Variants in GNA15 observed in about 807,000 individuals in gnomAD.
GNA15 encodes G protein subunit alpha 15.
GNA15 carries 23 observed loss-of-function variants against 40.1 expected under a neutral mutation model. The observed-to-expected ratio is 0.57, with a 90% CI of 0.41 to 0.81. The LOEUF is 0.81. Ranked by LOEUF, GNA15 falls within the 40% of genes least tolerant of loss-of-function variation. GNA15 has a pLI of 0.00. For synonymous variants in GNA15, 226 were observed against 210.4 expected (o/e 1.07, Z -0.64); for missense variants, 522 against 515.8 (o/e 1.01, Z -0.12).
rs145131651 is a variant in GNA15, at chr19:3,150,271, C to T, written c.471C>T (p.Leu157=). ...AGCGTCGGCGGGAATTCCACCTGCT[C>T]GATTCAGCCGTGTAGTGAGTCTGGG... ...CYERRREFHL[L]DSAVYYLSHL... is the part of the protein sequence containing the mutation. The change falls in exon 3 of 7, where the codon CTC becomes CTT. Residue 157 remains leucine, a synonymous_variant. Transcript: ENST00000262958. The T allele has an allele frequency of 1.3e-6, 2 of 1,595,096 alleles. No homozygotes were observed. Among genetic ancestry groups the T allele is most frequent in the Admixed American group, 1.7e-5 (1 of 58,808 alleles).
intron 3 of GNA15, among the ~76,000 whole-genome samples, 168 bp downstream of exon 3, chr19:3,150,453 G>A (rs1914853977): frequency 6.6e-6 from 1 of 152,206 alleles, no homozygotes; most frequent in Admixed American, 6.5e-5. Context: ...GGGGGACCCT[G>A]TTCTGGGGGT....
At chr19:3,140,059 C>CTATCTATCTATCTATCTATG (rs1914545615) in intron 1 of GNA15, among the ~76,000 whole-genome samples, 5 of 150,986 alleles carry the variant, frequency 3.3e-5, no homozygotes, top group Non-Finnish European at 4.4e-5. Flanking sequence ...ATCTATCTAT[C>CTATCTATCTATCTATCTATG]TATCTATCTA....
At chr19:3,154,014 C>T (rs1045100206) in intron 4 of GNA15, among the ~76,000 whole-genome samples, 7 of 138,290 alleles carry the variant, frequency 5.1e-5, no homozygotes, top group Non-Finnish European at 7.8e-5. Context: ...GTAGATGAAG[C>T]GATGGATGGA....
At chr19:3,148,170 T>C (rs922059023) in intron 1 of GNA15, among the ~76,000 whole-genome samples, 1 of 151,850 alleles carries the variant, frequency 6.6e-6, no homozygotes, top group Non-Finnish European at 1.5e-5. Flanking sequence ...CTCACTGCAA[T>C]CTCTGCCTCC....
intron 5 of GNA15, among the ~76,000 whole-genome samples, chr19:3,156,338 AAC>A (rs1467723242): frequency 1.3e-5 from 2 of 151,764 alleles, no homozygotes; most frequent in South Asian, 2.1e-4. Context: ...CATGCACACG[AAC>A]ACACATGCAC....
rs539351543 is a variant in GNA15, at chr19:3,148,496, C to T, written c.146-95C>T. 9.4e-4 allele frequency: 1,175 copies of T among 1,244,572 alleles called. 2 individuals carry two copies. The highest frequency in any genetic ancestry group is 4.9e-3 in the South Asian group (335 of 68,044). The allele number at this position is 1,244,572 out of a possible 1,614,324, so 77.1% of individuals were successfully genotyped here. A position where few individuals can be genotyped will look rare whatever the true frequency, so the allele number is the denominator to read the frequency against. ...TGCACCGGGGTTTGAACCCAGGAGGCCTGGCGTGGAGTTGGGGGTGTCTGA... is the reference window on the plus strand; with the variant it reads ...TGCACCGGGGTTTGAACCCAGGAGGTCTGGCGTGGAGTTGGGGGTGTCTGA... On this transcript the variant is annotated intron_variant, in intron 1 of 6. Coordinates refer to ENST00000262958, the MANE Select transcript of GNA15 (RefSeq NM_002068.4).
In GNA15 at chr19:3,162,856, C is replaced by A. The variant is rs955365992; in HGVS notation, c.962C>A (p.Thr321Asn). The A allele has an allele frequency of 6.2e-7, 1 of 1,613,944 alleles. No homozygotes were observed. The highest frequency in any genetic ancestry group is 1.3e-5 in the African/African-American group (1 of 74,928). Residue 321 changes from threonine (T) to asparagine (N), a missense_variant, in exon 7 of 7, where the codon ACC (threonine) becomes AAC (asparagine). Physicochemically the swap from Thr to Asn is moderately conservative, Grantham distance 65. Transcript: ENST00000262958. The part of the protein sequence containing the change: ...FILDMYTRMY[T>N]GCVDGPEGSK... ...CTGGACATGTACACGAGGATGTACA[C>A]CGGGTGCGTGGACGGCCCCGAGGGC...
At position 3,155,716 on chromosome 19, in the gene GNA15, T is replaced by C. The variant is rs545663504; in HGVS notation, c.615-107T>C. ...ATCCACGAGAGGCTAGCACCTATTCTTGCTGTCGCTATTATGGATCTTGGC... is the reference window on the plus strand; with the variant it reads ...ATCCACGAGAGGCTAGCACCTATTCCTGCTGTCGCTATTATGGATCTTGGC... On this transcript the variant is annotated intron_variant, in intron 4 of 6. Coordinates refer to ENST00000262958, the MANE Select transcript of GNA15 (RefSeq NM_002068.4). The surrounding 1 kb of genome is among the most constrained non-coding windows in gnomAD (Gnocchi z 5.6). The C allele has an allele frequency of 6.4e-5, 83 of 1,296,738 alleles. No homozygotes were observed. The African/African-American group carries it at 1.1e-3, about 17-fold the overall frequency. 80.3% of individuals were successfully genotyped at this position (1,296,738 alleles called of 1,614,324 possible). A position where few individuals can be genotyped will look rare whatever the true frequency, so the allele number is the denominator to read the frequency against.
At chr19:3,160,780 C>G (rs1321015188) in intron 6 of GNA15, among the ~76,000 whole-genome samples, 1 of 152,134 alleles carries the variant, frequency 6.6e-6, no homozygotes, top group Non-Finnish European at 1.5e-5. Flanking sequence ...CTCTCAGCTT[C>G]TGGTGGTGGC....
At chr19:3,146,215 T>A (rs8109228) in intron 1 of GNA15, among the ~76,000 whole-genome samples, 38,936 of 151,920 alleles carry the variant, frequency 0.26, 5,493 homozygotes, top group African/African-American at 0.38. Context: ...CTCCCATCGC[T>A]GGTTGGGGCC....
In GNA15 at chr19:3,151,532, G is replaced by A. The variant is rs1464106262; in HGVS notation, c.486-175G>A. ...TGCGTGTGAAGCTGCTTTTCCTTGG[G>A]GCTCCATTGCCTCAGGTGGGGGACG... is the stretch of plus-strand genomic sequence containing the variant. On this transcript the variant is annotated intron_variant, in intron 3 of 6. Coordinates refer to ENST00000262958, the MANE Select transcript of GNA15 (RefSeq NM_002068.4). The surrounding 1 kb of genome is among the most constrained non-coding windows in gnomAD (Gnocchi z 5.0). Among the ~76,000 whole-genome samples the A allele has an allele frequency of 2.0e-5, 3 of 152,046 alleles. No homozygotes were observed. The highest frequency in any genetic ancestry group is 7.3e-5 in the African/African-American group (3 of 41,376).
rs1348229626 is a variant in GNA15 at position 3,157,635 on chromosome 19, C to A, written c.745-93C>A. On this transcript the variant is annotated intron_variant, in intron 5 of 6. Transcript: ENST00000262958. ...CCAGGCAGATAGGGGTGAGCCCATG[C>A]CCCTGGAGCCAACAGCCCCGTCTCC... 13 of 1,121,990 alleles carry A rather than the reference C, an allele frequency of 1.2e-5. No homozygotes were observed. The East Asian group carries it at 2.4e-4, about 20-fold the overall frequency. The allele number at this position is 1,121,990 out of a possible 1,614,324, so 69.5% of individuals were successfully genotyped here.
chr19:3,152,151 G>A (rs930469196), intron 4 of GNA15, among the ~76,000 whole-genome samples: 1 of 152,178 alleles, frequency 6.6e-6, no homozygotes, highest in Non-Finnish European at 1.5e-5. Context: ...CTGGGGAGGA[G>A]GAAATAGAGA....
At chr19:3,140,810 T>G (rs1400776047) in intron 1 of GNA15, among the ~76,000 whole-genome samples, 2 of 152,170 alleles carry the variant, frequency 1.3e-5, no homozygotes, top group Admixed American at 6.5e-5. Context: ...CTGTATCATA[T>G]CTTCCTGGAG....
chr19:3,148,990 C>T, intron 2 of GNA15: 1 of 566,798 alleles, frequency 1.8e-6, no homozygotes, highest in Non-Finnish European at 3.2e-6. Flanking sequence ...CGCATAAATG[C>T]ACACACGCAC....
intron 1 of GNA15, among the ~76,000 whole-genome samples, chr19:3,144,623 G>A (rs954076443): frequency 7.3e-5 from 11 of 151,204 alleles, no homozygotes; most frequent in Non-Finnish European, 7.4e-5. Flanking sequence ...CCGCCTCCCC[G>A]GTTCACGCCA....
At position 3,150,162 on chromosome 19, in the gene GNA15, C is replaced by T; in HGVS notation, c.362C>T (p.Pro121Leu). The T allele has an allele frequency of 1.2e-6, 2 of 1,613,484 alleles. No individual in the cohort carries two copies. Among genetic ancestry groups the T allele is most frequent in the Non-Finnish European group, 1.7e-6 (2 of 1,179,940 alleles). ...GCTAGCCTGGTCATGAGCCAGGACC[C>T]CTATAAAGTGACCACGTTTGAGAAG... ...HHASLVMSQD[P>L]YKVTTFEKRY... is the part of the protein sequence containing the mutation. The change falls in exon 3 of 7, where the codon CCC becomes CTC. Residue 121 changes from proline (P) to leucine (L), a missense_variant. Physicochemically the swap from Pro to Leu is moderately conservative, Grantham distance 98. Transcript: ENST00000262958.
intron 5 of GNA15, among the ~76,000 whole-genome samples, chr19:3,157,289 G>A (rs1056639921): frequency 9.2e-5 from 14 of 152,140 alleles, no homozygotes; most frequent in African/African-American, 3.1e-4. Context: ...GTGAGCTGCC[G>A]CGCCCGGCCA....
rs1406171910 is a variant in GNA15, at chr19:3,151,898, G to T, written c.614+63G>T. On this transcript the variant is annotated intron_variant, in intron 4 of 6. Transcript: ENST00000262958. This position sits in a 1 kb window ranked among gnomAD's most constrained non-coding sequence, Gnocchi z 5.0. ...AAGGCTTCCTGTAGGAAGGGCAAAG[G>T]AGCTGGGGCCCTGAGGGATGAGTAG... 1 of 1,277,274 alleles carries T rather than the reference G, an allele frequency of 7.8e-7. No individual in the cohort carries two copies. The highest frequency in any genetic ancestry group is 2.5e-5 in the East Asian group (1 of 40,254). 79.1% of individuals were successfully genotyped at this position (1,277,274 alleles called of 1,614,324 possible).
Sources: gnomAD v4.1 joint callset for allele counts (sites outside exome capture counted in the v4.1 genomes callset) on GRCh38, gnomAD v4.1.1 for gene constraint, Gnocchi (gnomAD v3.1) non-coding constraint, MANE v1.5 for transcripts, NCBI Gene and HGNC (gene_info 2026-07-23, HGNC 2026-07-21) for gene names.